Variants in GNB4 observed in about 807,000 individuals in gnomAD.
The protein encoded by GNB4 is G protein subunit beta 4.
Under a neutral mutation model 45.2 loss-of-function variants are expected in GNB4, and 28 were observed. The observed-to-expected ratio is 0.62, with a 90% CI of 0.46 to 0.85. GNB4 has a LOEUF of 0.85. GNB4 is among the 40% of genes least tolerant of loss of function. The pLI is 0.00. For synonymous variants in GNB4, 132 were observed against 143.7 expected, an observed-to-expected ratio of 0.92 and a Z score of 0.58; for missense variants, 321 against 425.4, an observed-to-expected ratio of 0.75 and a Z score of 2.16.
the GNB4 span, among the ~76,000 whole-genome samples, chr3:179,526,729 A>T: frequency 6.6e-6 from 1 of 152,114 alleles, no homozygotes; most frequent in South Asian, 2.1e-4. Context: ...GAGTTTTCTT[A>T]GTCTGGTTGT....
chr3:179,483,060 G>A, the GNB4 span, among the ~76,000 whole-genome samples: 2 of 152,138 alleles, frequency 1.3e-5, no homozygotes, highest in Non-Finnish European at 2.9e-5. Flanking sequence ...GTAAGAAGTC[G>A]TAGTCATTTT....
chr3:179,484,456 A>G, the GNB4 span, among the ~76,000 whole-genome samples: 1 of 152,228 alleles, frequency 6.6e-6, no homozygotes, highest in Admixed American at 6.5e-5. Context: ...TGCTCCTTTG[A>G]GGCCATGCGC....
At position 179,400,875 on chromosome 3, in the gene GNB4, C is replaced by T. The variant is rs1448557153; in HGVS notation, c.*338G>A. ...TTGTGTATACAAAGTTAAAAATGTA[C>T]TTCTTAAAAAATGCAAACACAATGG... On this transcript the variant is annotated 3_prime_UTR_variant, in exon 10 of 10. Transcript: ENST00000232564. 5.7e-6 allele frequency: 1 copy of T among 176,960 alleles called. No homozygotes were observed. Among genetic ancestry groups the T allele is most frequent in the Non-Finnish European group, 1.2e-5 (1 of 85,058 alleles). 11.0% of individuals were successfully genotyped at this position (176,960 alleles called of 1,614,324 possible). A position where few individuals can be genotyped will look rare whatever the true frequency, so the allele number is the denominator to read the frequency against.
intron 1 of GNB4, 162 bp downstream of exon 1, chr3:179,451,184 C>G (rs1368442086): frequency 6.6e-6 from 1 of 151,754 alleles, no homozygotes; most frequent in Non-Finnish European, 1.5e-5. Context: ...CCCTCCCGGG[C>G]AGCGTCGGCC....
rs762690340 is a variant in GNB4, at chr3:179,413,589, G to A, written c.522C>T (p.Ala174=). 1.2e-6 allele frequency: 2 copies of A among 1,614,068 alleles called. No homozygotes were observed. The highest frequency in any genetic ancestry group is 1.1e-5 in the South Asian group (1 of 91,074). ...GCCCAGTGAATGTGGTGGTCTGCTG[G>A]GCAGTTTCGATGTCCCATAAAGCAC... The part of the protein sequence containing the change: ...TTCALWDIET[A]QQTTTFTGHS... Residue 174 remains alanine (A), a synonymous_variant, in exon 8 of 10, where the codon GCC becomes GCT. Coordinates refer to ENST00000232564, the MANE Select transcript of GNB4 (RefSeq NM_021629.4).
the GNB4 span, among the ~76,000 whole-genome samples, chr3:179,481,053 G>A: frequency 1.3e-5 from 2 of 151,716 alleles, no homozygotes; most frequent in East Asian, 1.9e-4. Context: ...GGGTTTCACC[G>A]TGTTAGCCAG....
At chr3:179,410,609 A>G (rs1369975120) in intron 8 of GNB4, 3 of 152,198 alleles carry the variant, frequency 2.0e-5, no homozygotes, top group Admixed American at 6.5e-5. Context: ...TTTTATAAGG[A>G]CAATAGCCAC....
chr3:179,401,336 GT>G lies in GNB4; in HGVS notation c.917-18del. On this transcript the variant is annotated intron_variant, in intron 9 of 9. Coordinates refer to ENST00000232564, the MANE Select transcript of GNB4 (RefSeq NM_021629.4). ...CAAGGACACCTGAAAAAAAAATTCAGTAAAAAATTGGCAATTGTAGGGTTTT... is the reference window on the plus strand; with the variant it reads ...CAAGGACACCTGAAAAAAAAATTCAGAAAAAATTGGCAATTGTAGGGTTTT... 1.9e-6 allele frequency: 3 copies of G among 1,580,362 alleles called. No homozygotes were observed. The highest frequency in any genetic ancestry group is 2.6e-6 in the Non-Finnish European group (3 of 1,154,526).
intron 8 of GNB4, among the ~76,000 whole-genome samples, chr3:179,412,565 G>A (rs559215578): frequency 1.3e-5 from 2 of 152,200 alleles, no homozygotes; most frequent in South Asian, 2.1e-4. Flanking sequence ...TGATGTAGGT[G>A]GTATTATCCC....
At chr3:179,524,864 G>C in the GNB4 span, among the ~76,000 whole-genome samples, 2 of 152,198 alleles carry the variant, frequency 1.3e-5, no homozygotes, top group African/African-American at 4.8e-5. Flanking sequence ...TTGGGCAGGT[G>C]GGGGAGGGCT....
chr3:179,507,579 C>T, the GNB4 span, among the ~76,000 whole-genome samples: 1 of 152,204 alleles, frequency 6.6e-6, no homozygotes, highest in African/African-American at 2.4e-5. Flanking sequence ...ACATCCTGCT[C>T]TCATTTGCCT....
the GNB4 span, among the ~76,000 whole-genome samples, chr3:179,474,737 CTTTT>C: frequency 1.7e-5 from 1 of 59,726 alleles, no homozygotes; most frequent in Non-Finnish European, 2.8e-5. Flanking sequence ...AGACTGGGTC[CTTTT>C]TTTTTTTTTT....
chr3:179,423,549 C>T (rs1207150364), intron 2 of GNB4, among the ~76,000 whole-genome samples: 1 of 151,726 alleles, frequency 6.6e-6, no homozygotes, highest in Non-Finnish European at 1.5e-5. Context: ...TTTGGGAGGC[C>T]GAGGCAGGTG....
intron 6 of GNB4, 44 bp from the exon 7 acceptor site, chr3:179,413,825 A>G: frequency 7.3e-7 from 1 of 1,377,274 alleles, no homozygotes; most frequent in Non-Finnish European, 1.0e-6. Context: ...CACTGATTGA[A>G]TAACTCAGTT....
Position 179,419,457 on chromosome 3 carries a change from G to A in GNB4, c.145C>T (p.Arg49Cys), listed in dbSNP as rs145682913. ...TTAGCTAGGTGGCCCCTCAGTGTACGTCTTGTTCGCATTTGTATTCGACCC... is the reference window on the plus strand; with the variant it reads ...TTAGCTAGGTGGCCCCTCAGTGTACATCTTGTTCGCATTTGTATTCGACCC... ...SVGRIQMRTR[R>C]TLRGHLAKIY... Residue 49 changes from arginine (R) to cysteine (C), a missense_variant, in exon 4 of 10, where the codon CGT becomes TGT. By Grantham distance (180) the Arg-to-Cys change is radical. Transcript: ENST00000232564. The A allele has an allele frequency of 4.3e-6, 7 of 1,612,940 alleles. No homozygotes were observed. The highest frequency in any genetic ancestry group is 1.3e-5 in the African/African-American group (1 of 74,862).
chr3:179,475,087 G>A, the GNB4 span, among the ~76,000 whole-genome samples: 1 of 151,854 alleles, frequency 6.6e-6, no homozygotes, highest in Non-Finnish European at 1.5e-5. Flanking sequence ...GACAGAGAGG[G>A]CCAAACTCGC....
chr3:179,493,040 C>A, the GNB4 span, among the ~76,000 whole-genome samples: 1 of 152,206 alleles, frequency 6.6e-6, no homozygotes, highest in East Asian at 1.9e-4. Flanking sequence ...ACACCTCATC[C>A]AGCTGATGCT....
chr3:179,470,882 T>C, the GNB4 span, among the ~76,000 whole-genome samples: 4 of 152,034 alleles, frequency 2.6e-5, no homozygotes, highest in Non-Finnish European at 5.9e-5. Context: ...GTATACAAAG[T>C]AAAAAAGTTA....
At chr3:179,520,784 CT>C in the GNB4 span, among the ~76,000 whole-genome samples, 35 of 152,226 alleles carry the variant, frequency 2.3e-4, no homozygotes, top group African/African-American at 8.2e-4. Context: ...CTGACATTCA[CT>C]CCATTTCCCC....
Sources: allele counts gnomAD v4.1 joint callset (sites outside exome capture counted in the v4.1 genomes callset), GRCh38; gene constraint gnomAD v4.1.1; transcripts MANE v1.5; gene names NCBI Gene and HGNC (gene_info 2026-07-23, HGNC 2026-07-21).